Variants in PARP9 observed in about 807,000 individuals in gnomAD.
PARP9 encodes poly(ADP-ribose) polymerase family member 9.
A neutral mutation model predicts 68.8 loss-of-function variants in PARP9; 48 were observed. The ratio of observed to expected loss-of-function variants is 0.70; its 90% CI spans 0.55 to 0.89. The LOEUF (loss-of-function observed/expected upper bound fraction) is 0.89. Among genes scored for constraint, PARP9 ranks in the 40% least tolerant of loss-of-function variants. The pLI, the probability that PARP9 is intolerant of heterozygous loss-of-function variation, is 0.00. For synonymous variants in PARP9, 309 were observed against 333.8 expected, an observed-to-expected ratio of 0.93 and a Z score of 0.81; for missense variants, 806 against 969.3, an observed-to-expected ratio of 0.83 and a Z score of 2.24.
rs75404752 is a variant in PARP9, at chr3:122,560,705, T to C, written c.-89-996A>G. Among the ~76,000 whole-genome samples, 947 of 152,292 alleles carry C rather than the reference T, an allele frequency of 6.2e-3. 12 individuals are homozygous for C. Among genetic ancestry groups the C allele is most frequent in the African/African-American group, 0.021 (893 of 41,552 alleles). Reference sequence around the variant, plus strand: ...CTGGTCGAAATGATTTCTAATGTCTTTGCAATAGAAACATTTTGTACAACC... The same window carrying C: ...CTGGTCGAAATGATTTCTAATGTCTCTGCAATAGAAACATTTTGTACAACC... On this transcript the variant is annotated intron_variant, in intron 1 of 10. Transcript: ENST00000682323.
At chr3:122,556,725 T>A (rs1559874307) in intron 3 of PARP9, among the ~76,000 whole-genome samples, 1 of 152,162 alleles carries the variant, frequency 6.6e-6, no homozygotes, top group East Asian at 1.9e-4. Context: ...ACTAGGCAGA[T>A]GGAACTTAAC....
In PARP9 at chr3:122,538,100, A is replaced by C. The variant is rs140960939; in HGVS notation, c.1766-1027T>G. ...GAACTCACTAGAGAGCCAAGTTGTA[A>C]ATCTGAGAAAGTAGGAGGGACAAAA... On this transcript the variant is annotated intron_variant, in intron 8 of 10. Coordinates refer to ENST00000682323, the MANE Select transcript of PARP9 (RefSeq NM_001146105.2). Among the ~76,000 whole-genome samples, 64 of 152,346 alleles carry C rather than the reference A, an allele frequency of 4.2e-4. 1 individual carries two copies. The East Asian group carries it at 0.012, about 29-fold the overall frequency.
Position 122,540,576 on chromosome 3 carries a change from G to T in PARP9, c.1661C>A (p.Ala554Asp). ...AACCACCTCAATGAGGTCAGCCCGG[G>T]CTCCTTCAATCTCTAACTCTGTCCT... ...PGRTELEIEG[A>D]RADLIEVVMN... The change falls in exon 8 of 11, where the codon GCC (alanine) becomes GAC (aspartate). Residue 554 changes from alanine to aspartate, a missense_variant. This residue lies in a region of PARP9 where 680 missense variants were observed against 858.8 expected (regional missense o/e 0.79). Transcript: ENST00000682323. The T allele has an allele frequency of 6.2e-7, 1 of 1,614,124 alleles. No individual in the cohort carries two copies. The highest frequency in any genetic ancestry group is 8.5e-7 in the Non-Finnish European group (1 of 1,180,008).
intron 4 of PARP9, among the ~76,000 whole-genome samples, 155 bp downstream of exon 4, chr3:122,555,131 G>A (rs1039363518): frequency 6.6e-6 from 1 of 152,160 alleles, no homozygotes; most frequent in South Asian, 2.1e-4. Flanking sequence ...AGGCTCTCAA[G>A]TAGCTGGGTT....
At chr3:122,550,529 C>A in intron 6 of PARP9, 55 bp downstream of exon 6, 1 of 1,330,866 alleles carries the variant, frequency 7.5e-7, no homozygotes, top group Non-Finnish European at 1.1e-6. Flanking sequence ...ACAGATGTTG[C>A]TGAATGAATG....
rs2078632339 is a variant in PARP9, at chr3:122,545,474, T to C, written c.1342A>G (p.Met448Val). The stretch of plus-strand genomic sequence containing the variant: ...CTCAGCATCTTGGACCTCTTTGCCA[T>C]TTCAGAACTGAAAGCCTACAAGAAG... ...LEIYKAFSSE[M>V]AKRSKMLSLN... The change falls in exon 7 of 11, where the codon ATG (methionine) becomes GTG (valine). Residue 448 changes from methionine to valine, a missense_variant. Physicochemically the swap from Met to Val is conservative, Grantham distance 21 (BLOSUM62 1). Transcript: ENST00000682323. The C allele has an allele frequency of 1.9e-6, 3 of 1,614,216 alleles. No homozygotes were observed. The East Asian group carries it at 6.7e-5, about 36-fold the overall frequency.
chr3:122,539,624 G>C (rs564281347), intron 8 of PARP9, among the ~76,000 whole-genome samples: 1 of 149,636 alleles, frequency 6.7e-6, no homozygotes, highest in South Asian at 2.1e-4. Context: ...GCAATGGTTC[G>C]ATCTTGGTTC....
At chr3:122,564,513 C>T (rs1328156551), upstream of PARP9, 1 of 1,612,630 alleles carries the variant, frequency 6.2e-7, no homozygotes, top group African/African-American at 1.3e-5. Flanking sequence ...TGGAGAGCTA[C>T]TTCCAGAGCT....
intron 6 of PARP9, among the ~76,000 whole-genome samples, chr3:122,548,098 C>T (rs975859462): frequency 6.6e-6 from 1 of 152,194 alleles, no homozygotes; most frequent in African/African-American, 2.4e-5. Flanking sequence ...CTGTGACCAT[C>T]TCTTCTAAAT....
rs773473749 is a variant in PARP9, at chr3:122,540,565, G to A, written c.1672C>T (p.Leu558Phe). The A allele has an allele frequency of 3.4e-5, 55 of 1,614,168 alleles. No individual in the cohort carries two copies. Among genetic ancestry groups the A allele is most frequent in the Non-Finnish European group, 4.7e-5 (55 of 1,180,038 alleles). ...TCAATGTTCATAACCACCTCAATGAGGTCAGCCCGGGCTCCTTCAATCTCT... is the reference window on the plus strand; with the variant it reads ...TCAATGTTCATAACCACCTCAATGAAGTCAGCCCGGGCTCCTTCAATCTCT... The part of the protein sequence containing the change: ...ELEIEGARAD[L>F]IEVVMNIEDM... Residue 558 changes from leucine (L) to phenylalanine (F), a missense_variant, in exon 8 of 11, where the codon CTC becomes TTC. Leu to Phe is a conservative substitution (Grantham distance 22). Coordinates refer to ENST00000682323, the MANE Select transcript of PARP9 (RefSeq NM_001146105.2).
At chr3:122,553,500 T>A (rs542045951) in intron 4 of PARP9, among the ~76,000 whole-genome samples, 3 of 152,368 alleles carry the variant, frequency 2.0e-5, no homozygotes, top group Admixed American at 6.5e-5. Context: ...AATTGTAATG[T>A]TCCTAACGTT....
chr3:122,540,790 T>C lies in PARP9; in HGVS notation c.1447A>G (p.Asn483Asp). 1.2e-6 allele frequency: 2 copies of C among 1,614,156 alleles called. No individual in the cohort carries two copies. The highest frequency in any genetic ancestry group is 1.3e-5 in the African/African-American group (1 of 75,042). ...TCTTCCACGTTGAATCCCATCAGAT[T>C]GATGGCAGGAGATCTAGCTTCAAGC... ...NGLEARSPAINLMGFNVEEMY... is the reference protein window; with the variant it reads ...NGLEARSPAIDLMGFNVEEMY... Residue 483 changes from asparagine to aspartate, a missense_variant, in exon 8 of 11, where the codon AAT becomes GAT. Asn to Asp is a conservative substitution (Grantham distance 23). Coordinates refer to ENST00000682323, the MANE Select transcript of PARP9 (RefSeq NM_001146105.2).
chr3:122,547,113 T>A (rs1315583710), intron 6 of PARP9, among the ~76,000 whole-genome samples: 2 of 86,152 alleles, frequency 2.3e-5, no homozygotes, highest in East Asian at 1.4e-3. Context: ...TTTTTTTTTC[T>A]TTTTTTTTTT....
At chr3:122,535,526 G>A in intron 10 of PARP9, 3 of 985,348 alleles carry the variant, frequency 3.0e-6, no homozygotes, top group Non-Finnish European at 3.6e-6. Flanking sequence ...TCCTCTTTTG[G>A]AGAGAACTAA....
chr3:122,539,854 G>A (rs546928925), intron 8 of PARP9, among the ~76,000 whole-genome samples: 1 of 152,060 alleles, frequency 6.6e-6, no homozygotes. Flanking sequence ...GTGAGCCACC[G>A]TGCCCAGCCC....
At position 122,528,633 on chromosome 3, in the gene PARP9, C is replaced by T. The variant is rs2077087778; in HGVS notation, c.2191G>A (p.Val731Ile). The T allele has an allele frequency of 1.2e-6, 2 of 1,614,082 alleles. No individual in the cohort carries two copies. Among genetic ancestry groups the T allele is most frequent in the East Asian group, 2.2e-5 (1 of 44,902 alleles). Residue 731 changes from valine to isoleucine, a missense_variant, in exon 11 of 11, where the codon GTA becomes ATA. By Grantham distance (29) the Val-to-Ile change is conservative. This residue lies in a region of PARP9 where 680 missense variants were observed against 858.8 expected (regional missense o/e 0.79). Coordinates refer to ENST00000682323, the MANE Select transcript of PARP9 (RefSeq NM_001146105.2). The stretch of plus-strand genomic sequence containing the variant: ...CCCTGGCAGAAGAAGCCTGTGAGTA[C>T]TTCAGCCTCAAACACATAGATCAGC... ...DKLIYVFEAE[V>I]LTGFFCQGHP...
intron 4 of PARP9, among the ~76,000 whole-genome samples, chr3:122,555,039 TA>T (rs950363169): frequency 6.6e-6 from 1 of 151,940 alleles, no homozygotes; most frequent in Non-Finnish European, 1.5e-5. Flanking sequence ...AAACTTAAAT[TA>T]AAATTTTTTA....
rs1283972403 is a variant in PARP9 at position 122,540,548 on chromosome 3, C to G, written c.1689G>C (p.Met563Ile). The change falls in exon 8 of 11, where the codon ATG becomes ATC. Residue 563 changes from methionine (M) to isoleucine (I), a missense_variant. Physicochemically the swap from Met to Ile is conservative, Grantham distance 10 (BLOSUM62 1). Coordinates refer to ENST00000682323, the MANE Select transcript of PARP9 (RefSeq NM_001146105.2). ...CTTTACAAAGCATATCTTCAATGTT[C>G]ATAACCACCTCAATGAGGTCAGCCC... ...GARADLIEVV[M>I]NIEDMLCKVQ... 6.2e-7 allele frequency: 1 copy of G among 1,614,188 alleles called. No homozygotes were observed. The highest frequency in any genetic ancestry group is 8.5e-7 in the Non-Finnish European group (1 of 1,180,032).
At chr3:122,556,143 A>T in intron 3 of PARP9, 22 bp from the exon 4 acceptor site, 2 of 299,682 alleles carry the variant, frequency 6.7e-6, no homozygotes. Flanking sequence ...GAGAAGATTA[A>T]AAAAAAAAAA....
Sources: allele counts gnomAD v4.1 joint callset (sites outside exome capture counted in the v4.1 genomes callset), GRCh38; gene constraint gnomAD v4.1.1; regional missense constraint gnomAD v4.1.1; transcripts MANE v1.5; gene names NCBI Gene and HGNC (gene_info 2026-07-23, HGNC 2026-07-21).